CELA1: variants seen among roughly 807,000 people sequenced by gnomAD.
The protein encoded by CELA1 is chymotrypsin like elastase 1.
CELA1 carries 28 observed loss-of-function variants against 34.8 expected under a neutral mutation model. That is an observed-to-expected ratio of 0.80 (90% CI 0.60 to 1.10). The LOEUF is 1.10. Among genes scored for constraint, CELA1 ranks in the 50% least tolerant of loss-of-function variants. The pLI, the probability that CELA1 is intolerant of heterozygous loss-of-function variation, is 0.00. For synonymous variants in CELA1, 140 were observed against 129.8 expected (o/e 1.08, Z -0.53); for missense variants, 288 against 327.5 (o/e 0.88, Z 0.93).
At position 51,328,495 on chromosome 12, in the gene CELA1, G is replaced by T; in HGVS notation, c.*82C>A. 1 of 1,366,394 alleles carries T rather than the reference G, an allele frequency of 7.3e-7. No individual in the cohort carries two copies. The highest frequency in any genetic ancestry group is 1.7e-5 in the Admixed American group (1 of 59,346). 84.6% of individuals were successfully genotyped at this position (1,366,394 alleles called of 1,614,324 possible). On this transcript the variant is annotated 3_prime_UTR_variant, in exon 8 of 8. Transcript: ENST00000293636. ...CTATCAATGGCTCAATAGTCTTTCA[G>T]AATGTGTTTTACTTTTTGATCGCAA...
At chr12:51,342,537 C>G in intron 4 of CELA1, 38 bp downstream of exon 4, 1 of 1,613,652 alleles carries the variant, frequency 6.2e-7, no homozygotes, top group Non-Finnish European at 8.5e-7. Context: ...AGTCAGGCCT[C>G]ACCGCCCAGC....
intron 6 of CELA1, among the ~76,000 whole-genome samples, chr12:51,337,846 G>C (rs893048864): frequency 6.6e-6 from 1 of 150,672 alleles, no homozygotes; most frequent in African/African-American, 2.4e-5. Context: ...GGAGGCAGAG[G>C]TTACAAGTGA....
intron 6 of CELA1, among the ~76,000 whole-genome samples, chr12:51,333,405 GT>G (rs35636954): frequency 0.43 from 58,988 of 137,656 alleles, 12,427 homozygotes; most frequent in East Asian, 0.58. Context: ...TTTTTTTTTT[GT>G]TTTTTTTTTT....
chr12:51,339,002 T>C lies in CELA1; in HGVS notation c.609+858A>G, dbSNP rs75810403. Among the ~76,000 whole-genome samples the C allele has an allele frequency of 9.1e-3, 1,383 of 152,298 alleles. 29 individuals carry two copies. The highest frequency in any genetic ancestry group is 0.032 in the African/African-American group (1,309 of 41,546). ...AAAAAGAGAAATCTGTAAGATAGTT[T>C]ATGGCTGATTGATCTTGTCAAAATA... is the stretch of plus-strand genomic sequence containing the variant. On this transcript the variant is annotated intron_variant, in intron 6 of 7. Transcript: ENST00000293636.
intron 6 of CELA1, among the ~76,000 whole-genome samples, chr12:51,330,745 C>T (rs957397838): frequency 4.6e-5 from 7 of 151,916 alleles, no homozygotes; most frequent in East Asian, 3.9e-4. Context: ...CTGAGGCGGG[C>T]GGATCACGAG....
chr12:51,346,600 GCGACTGGA>G lies in CELA1; in HGVS notation c.16+15_16+22del. On this transcript the variant is annotated intron_variant, in intron 1 of 7. Transcript: ENST00000293636. ...CCACTTACCATAAAGGACCAGGGTTGCGACTGGACCATATCCACTTACCATAAAGGACC... is the reference window on the plus strand; with the variant it reads ...CCACTTACCATAAAGGACCAGGGTTGCCATATCCACTTACCATAAAGGACC... The G allele has an allele frequency of 9.0e-7, 1 of 1,115,588 alleles. No individual in the cohort carries two copies. Among genetic ancestry groups the G allele is most frequent in the Non-Finnish European group, 1.3e-6 (1 of 799,324 alleles). The allele number at this position is 1,115,588 out of a possible 1,614,324, so 69.1% of individuals were successfully genotyped here. A position where few individuals can be genotyped will look rare whatever the true frequency, so the allele number is the denominator to read the frequency against.
At chr12:51,341,900 A>G (rs1478733223) in intron 4 of CELA1, among the ~76,000 whole-genome samples, 2 of 152,198 alleles carry the variant, frequency 1.3e-5, no homozygotes, top group Non-Finnish European at 2.9e-5. Flanking sequence ...CTATTCTATA[A>G]TGTGAATAAT....
At chr12:51,338,638 C>T (rs1946514787) in intron 6 of CELA1, among the ~76,000 whole-genome samples, 1 of 152,156 alleles carries the variant, frequency 6.6e-6, no homozygotes, top group Non-Finnish European at 1.5e-5. Context: ...CTTGGGCTTC[C>T]ATATCACCTG....
chr12:51,331,553 A>G (rs1325580373), intron 6 of CELA1, among the ~76,000 whole-genome samples: 1 of 152,234 alleles, frequency 6.6e-6, no homozygotes, highest in East Asian at 1.9e-4. Context: ...TAGAACAAAC[A>G]AGATATAGAG....
chr12:51,342,193 A>G (rs1946540065), intron 4 of CELA1, among the ~76,000 whole-genome samples: 1 of 146,826 alleles, frequency 6.8e-6, no homozygotes, highest in Non-Finnish European at 1.5e-5. Context: ...TGCCTGGCTA[A>G]TTTTTTTTTT....
At chr12:51,339,557 A>G (rs1477750059) in intron 6 of CELA1, among the ~76,000 whole-genome samples, 1 of 152,234 alleles carries the variant, frequency 6.6e-6, no homozygotes, top group Non-Finnish European at 1.5e-5. Context: ...ATCTCAAAAA[A>G]AAAATCTAGG....
At chr12:51,339,778 C>T (rs1005531135) in intron 6 of CELA1, 82 bp downstream of exon 6, 34 of 1,409,174 alleles carry the variant, frequency 2.4e-5, no homozygotes, top group South Asian at 3.8e-5. Context: ...GAGTAAGTGT[C>T]GAATAGGGAG....
At chr12:51,338,443 T>C (rs1946513944) in intron 6 of CELA1, among the ~76,000 whole-genome samples, 1 of 152,100 alleles carries the variant, frequency 6.6e-6, no homozygotes, top group East Asian at 1.9e-4. Context: ...GCCCCATAAT[T>C]CTGTATGTAC....
At chr12:51,346,003 C>T (rs1211347911) in intron 1 of CELA1, 126 bp from the exon 2 acceptor site, 15 of 660,284 alleles carry the variant, frequency 2.3e-5, no homozygotes, top group South Asian at 3.8e-5. Flanking sequence ...TCCTCTCTAA[C>T]GAATGAGGGG....
At chr12:51,334,437 C>T (rs1946489576) in intron 6 of CELA1, among the ~76,000 whole-genome samples, 1 of 149,448 alleles carries the variant, frequency 6.7e-6, no homozygotes, top group East Asian at 1.9e-4. Flanking sequence ...CTTTTTAATC[C>T]TTTTTTTTTT....
At chr12:51,336,362 G>C (rs1946499418) in intron 6 of CELA1, among the ~76,000 whole-genome samples, 1 of 152,026 alleles carries the variant, frequency 6.6e-6, no homozygotes. Context: ...CTAATTTCTT[G>C]GCCAGGCGTG....
intron 6 of CELA1, among the ~76,000 whole-genome samples, chr12:51,331,593 CAT>C (rs748187667): frequency 3.0e-4 from 45 of 152,208 alleles, no homozygotes; most frequent in Middle Eastern, 3.4e-3. Flanking sequence ...AGGAGGCAAA[CAT>C]GTGAATAACA....
chr12:51,333,096 AT>A (rs368851452), intron 6 of CELA1, among the ~76,000 whole-genome samples: 88 of 141,608 alleles, frequency 6.2e-4, no homozygotes, highest in South Asian at 5.0e-3. Context: ...CTCCCCGTTA[AT>A]TTTTTTTTTT....
At chr12:51,338,622 C>T (rs1946514702) in intron 6 of CELA1, among the ~76,000 whole-genome samples, 1 of 152,116 alleles carries the variant, frequency 6.6e-6, no homozygotes, top group South Asian at 2.1e-4. Context: ...GAGGTAGGTA[C>T]CTACCCTTGG....
Sources: allele counts gnomAD v4.1 joint callset (sites outside exome capture counted in the v4.1 genomes callset), GRCh38; gene constraint gnomAD v4.1.1; transcripts MANE v1.5; gene names NCBI Gene and HGNC (gene_info 2026-07-23, HGNC 2026-07-21).